Variants in TFCP2 observed in about 807,000 individuals in gnomAD.
TFCP2 encodes the protein transcription factor CP2.
In TFCP2, 33 loss-of-function variants were observed where a neutral mutation model predicts 73.4. That is an observed-to-expected ratio of 0.45 (90% CI 0.34 to 0.60). TFCP2 has a LOEUF of 0.60. Among genes scored for constraint, TFCP2 ranks in the 20% least tolerant of loss-of-function variants. The probability of loss-of-function intolerance (pLI) is 0.01; values close to 1 mark genes in which losing one functional copy is unlikely to be tolerated. For synonymous variants in TFCP2, 193 were observed against 211.6 expected (o/e 0.91, Z 0.76); for missense variants, 352 against 604.0 (o/e 0.58, Z 4.37).
intron 1 of TFCP2, among the ~76,000 whole-genome samples, chr12:51,126,383 C>T (rs931193576): frequency 1.3e-5 from 2 of 152,046 alleles, no homozygotes; most frequent in African/African-American, 4.8e-5. Context: ...GAAAGAGGAA[C>T]AGAAGCAATA....
At chr12:51,122,253 C>CTTTTTTTT (rs11347975) in intron 1 of TFCP2, among the ~76,000 whole-genome samples, 6 of 73,140 alleles carry the variant, frequency 8.2e-5, no homozygotes, top group Non-Finnish European at 1.3e-4. Flanking sequence ...TTTTTCTTTT[C>CTTTTTTTT]TTTTTTTTTT....
chr12:51,138,141 T>TTTTG (rs532848691), intron 1 of TFCP2, among the ~76,000 whole-genome samples: 135 of 152,216 alleles, frequency 8.9e-4, no homozygotes, highest in African/African-American at 3.2e-3. Context: ...TCTGTGTGTG[T>TTTTG]TTTGTTTGTT....
chr12:51,124,892 G>C, intron 1 of TFCP2: 1 of 1,047,198 alleles, frequency 9.5e-7, no homozygotes. Context: ...CCTTTCCAAA[G>C]GTCAGATATG....
At chr12:51,154,280 C>T (rs926278011) in intron 1 of TFCP2, among the ~76,000 whole-genome samples, 1 of 152,088 alleles carries the variant, frequency 6.6e-6, no homozygotes, top group Non-Finnish European at 1.5e-5. Context: ...GAGTATCAAA[C>T]CCCGTATAGT....
At chr12:51,170,333 T>A (rs1270671927) in intron 1 of TFCP2, among the ~76,000 whole-genome samples, 1 of 145,610 alleles carries the variant, frequency 6.9e-6, no homozygotes, top group African/African-American at 2.6e-5. Context: ...TCTTAATTTT[T>A]AAAATCTTTC....
chr12:51,132,938 TGAA>T (rs1336920394), intron 1 of TFCP2, among the ~76,000 whole-genome samples: 4 of 152,122 alleles, frequency 2.6e-5, no homozygotes, highest in African/African-American at 4.8e-5. Flanking sequence ...TGATACCACA[TGAA>T]GAAGAACTGC....
At chr12:51,101,815 A>G (rs1259819242) in intron 11 of TFCP2, 120 bp downstream of exon 11, 1 of 592,688 alleles carries the variant, frequency 1.7e-6, no homozygotes, top group African/African-American at 1.8e-5. Flanking sequence ...TACATAGCTG[A>G]CATTTAAAAC....
Position 51,103,942 on chromosome 12 carries a change from A to G in TFCP2, c.967-179T>C, listed in dbSNP as rs908686596. 26 of 695,072 alleles carry G rather than the reference A, an allele frequency of 3.7e-5. No homozygotes were observed. The African/African-American group carries it at 4.1e-4, about 11-fold the overall frequency. 43.1% of individuals were successfully genotyped at this position (695,072 alleles called of 1,614,324 possible). A position where few individuals can be genotyped will look rare whatever the true frequency, so the allele number is the denominator to read the frequency against. ...GTTCCATCCTTTTCTTCCCCACTAG[A>G]CTATAAGCTGCTCAAATGGAAAGGT... is the stretch of plus-strand genomic sequence containing the variant. On this transcript the variant is annotated intron_variant, in intron 9 of 14. Transcript: ENST00000257915.
rs60679909 is a variant in TFCP2 at position 51,161,760 on chromosome 12, CAAAAAAAAAAA to C, written c.122+10530_122+10540del. On this transcript the variant is annotated intron_variant, in intron 1 of 14. Transcript: ENST00000257915. ...CCTGGGAGACAGCAAGACTCCATATCAAAAAAAAAAAAAAAAAAAAAAAGAAATTGACAGAA... is the reference window on the plus strand; with the variant it reads ...CCTGGGAGACAGCAAGACTCCATATCAAAAAAAAAAAAGAAATTGACAGAA... 6.6e-5 allele frequency among the ~76,000 whole-genome samples: 5 copies of C among 76,222 alleles called. No individual in the cohort carries two copies. In the East Asian group the frequency reaches 1.2e-3, roughly 18 times the overall value. 50.0% of individuals were successfully genotyped at this position (76,222 alleles called of 152,430 possible).
intron 1 of TFCP2, among the ~76,000 whole-genome samples, chr12:51,133,755 T>C (rs920102623): frequency 3.9e-5 from 6 of 151,938 alleles, no homozygotes; most frequent in Non-Finnish European, 7.4e-5. Context: ...GGTAAAACCC[T>C]GTCTCTACTA....
chr12:51,135,434 C>T, intron 1 of TFCP2, among the ~76,000 whole-genome samples: 1 of 30,676 alleles, frequency 3.3e-5, no homozygotes, highest in Non-Finnish European at 2.3e-4. Flanking sequence ...CACACACACA[C>T]ACAAAAAAAA....
In TFCP2 at chr12:51,143,404, T is replaced by C. The variant is rs1941229002; in HGVS notation, c.123-24632A>G. ...CATCCTAGATTGATCCTTTCCCTTA[T>C]CCTCATGTCCCTTAGCAAGTCCTAT... On this transcript the variant is annotated intron_variant, in intron 1 of 14. Coordinates refer to ENST00000257915, the MANE Select transcript of TFCP2 (RefSeq NM_005653.5). Among the ~76,000 whole-genome samples the C allele has an allele frequency of 2.7e-5, 4 of 149,726 alleles. No homozygotes were observed. In the South Asian group the frequency reaches 8.6e-4, roughly 32 times the overall value.
At chr12:51,103,016 C>T (rs1045530782) in intron 10 of TFCP2, among the ~76,000 whole-genome samples, 6 of 151,910 alleles carry the variant, frequency 3.9e-5, no homozygotes, top group African/African-American at 1.5e-4. Flanking sequence ...GATGCCGCAG[C>T]TCATACCTGT....
intron 1 of TFCP2, among the ~76,000 whole-genome samples, chr12:51,157,372 G>A (rs1247795149): frequency 2.0e-5 from 3 of 152,018 alleles, no homozygotes; most frequent in East Asian, 1.9e-4. Context: ...GTAGAATGCC[G>A]TGGAACAATC....
chr12:51,107,678 C>T lies in TFCP2; in HGVS notation c.718-332G>A, dbSNP rs191012441. On this transcript the variant is annotated intron_variant, in intron 6 of 14. Transcript: ENST00000257915. ...CTGGAATGCGGTGGCGAGATCTTGGCTCACTGCAACCTCCGCCTCCAGGGT... is the reference window on the plus strand; with the variant it reads ...CTGGAATGCGGTGGCGAGATCTTGGTTCACTGCAACCTCCGCCTCCAGGGT... Among the ~76,000 whole-genome samples, 184 of 152,028 alleles carry T rather than the reference C, an allele frequency of 1.2e-3. 2 individuals carry two copies. Among genetic ancestry groups the T allele is most frequent in the African/African-American group, 4.4e-3 (183 of 41,500 alleles).
At chr12:51,157,423 C>T (rs1467400615) in intron 1 of TFCP2, among the ~76,000 whole-genome samples, 1 of 151,974 alleles carries the variant, frequency 6.6e-6, no homozygotes, top group African/African-American at 2.4e-5. Context: ...TAAAGCAATC[C>T]TTCTGCCTCA....
At chr12:51,167,737 G>A (rs1479655521) in intron 1 of TFCP2, among the ~76,000 whole-genome samples, 1 of 152,100 alleles carries the variant, frequency 6.6e-6, no homozygotes, top group Non-Finnish European at 1.5e-5. Context: ...TTGCTGGAGG[G>A]TGGCACACTA....
chr12:51,145,143 G>C lies in TFCP2; in HGVS notation c.123-26371C>G, dbSNP rs148954242. Among the ~76,000 whole-genome samples the C allele has an allele frequency of 6.8e-3, 1,028 of 150,984 alleles. 5 individuals are homozygous for C. Among genetic ancestry groups the C allele is most frequent in the Middle Eastern group, 0.034 (10 of 292 alleles). ...TTGAACCTGGGAGGCAGAGGTTGCA[G>C]TGAGCCGAGATCACATCACTGCACT... On this transcript the variant is annotated intron_variant, in intron 1 of 14. Transcript: ENST00000257915.
At chr12:51,095,376 A>C in intron 14 of TFCP2, 98 bp from the exon 15 acceptor site, 1 of 1,332,230 alleles carries the variant, frequency 7.5e-7, no homozygotes, top group Non-Finnish European at 1.1e-6. Flanking sequence ...AAGGGGAGAA[A>C]AGGGAGGTGG....
Sources: gnomAD v4.1 joint callset for allele counts (sites outside exome capture counted in the v4.1 genomes callset) on GRCh38, gnomAD v4.1.1 for gene constraint, MANE v1.5 for transcripts, NCBI Gene and HGNC (gene_info 2026-07-23, HGNC 2026-07-21) for gene names.